Variants in AKAP6 observed in about 807,000 individuals in gnomAD.
AKAP6 encodes A-kinase anchoring protein 6, also known as A-kinase anchor protein 6.
A neutral mutation model predicts 188.5 loss-of-function variants in AKAP6; 58 were observed. That is an observed-to-expected ratio of 0.31 (90% CI 0.25 to 0.38). The LOEUF (loss-of-function observed/expected upper bound fraction) is 0.38, where lower values mean the gene tolerates loss of function less well. AKAP6 is among the 10% of genes least tolerant of loss of function. The probability of loss-of-function intolerance (pLI) is 1.00; values close to 1 mark genes in which losing one functional copy is unlikely to be tolerated. For missense variants in AKAP6, 2,710 were observed against 2,740.0 expected, an observed-to-expected ratio of 0.99 and a Z score of 0.24; for synonymous variants, 989 against 998.6, an observed-to-expected ratio of 0.99 and a Z score of 0.18.
chr14:32,415,403 G>C (rs1224606572), intron 1 of AKAP6, among the ~76,000 whole-genome samples: 6 of 24,192 alleles, frequency 2.5e-4, no homozygotes, highest in Non-Finnish European at 1.5e-3. Flanking sequence ...GAGACTTTAA[G>C]TTAACTTAGT....
At chr14:32,478,626 T>C (rs933472061) in intron 2 of AKAP6, among the ~76,000 whole-genome samples, 1 of 152,178 alleles carries the variant, frequency 6.6e-6, no homozygotes, top group Admixed American at 6.5e-5. Flanking sequence ...GAAATATAGG[T>C]CTGCTCAAGG....
chr14:32,663,366 A>C (rs1404284195), intron 7 of AKAP6, among the ~76,000 whole-genome samples: 1 of 152,060 alleles, frequency 6.6e-6, no homozygotes, highest in African/African-American at 2.4e-5. Flanking sequence ...CTTTCAGTAC[A>C]TACTTATTGA....
chr14:32,574,355 G>C (rs1884629451), intron 4 of AKAP6, among the ~76,000 whole-genome samples: 1 of 152,166 alleles, frequency 6.6e-6, no homozygotes, highest in Non-Finnish European at 1.5e-5. Context: ...ATCTGGCTGG[G>C]ATACACAGAG....
At chr14:32,669,354 CA>C (rs1268276116) in intron 7 of AKAP6, among the ~76,000 whole-genome samples, 2 of 152,052 alleles carry the variant, frequency 1.3e-5, no homozygotes, top group South Asian at 2.1e-4. Flanking sequence ...ATTGTAATAC[CA>C]AATGTTATTT....
intron 11 of AKAP6, among the ~76,000 whole-genome samples, chr14:32,758,101 G>A (rs1309740463): frequency 6.6e-6 from 1 of 152,066 alleles, no homozygotes; most frequent in East Asian, 1.9e-4. Context: ...GCCCTTTATA[G>A]TATTATAGAC....
At chr14:32,522,746 T>C (rs1411255576) in intron 2 of AKAP6, among the ~76,000 whole-genome samples, 1 of 152,130 alleles carries the variant, frequency 6.6e-6, no homozygotes, top group African/African-American at 2.4e-5. Context: ...TTGGTGGGAG[T>C]GTAAACTAGT....
chr14:32,579,156 G>A (rs1566586133), intron 5 of AKAP6, among the ~76,000 whole-genome samples: 1 of 152,070 alleles, frequency 6.6e-6, no homozygotes, highest in Non-Finnish European at 1.5e-5. Context: ...CTTACAAATT[G>A]CCAGCTTTTT....
At chr14:32,694,370 AAC>A (rs58749478) in intron 8 of AKAP6, among the ~76,000 whole-genome samples, 54,159 of 143,186 alleles carry the variant, frequency 0.38, 10,537 homozygotes, top group South Asian at 0.48. Context: ...CAAAAAAAAA[AAC>A]AAAAAAAAGC....
intron 8 of AKAP6, among the ~76,000 whole-genome samples, chr14:32,682,831 G>C (rs921096434): frequency 1.3e-5 from 2 of 152,180 alleles, no homozygotes; most frequent in Admixed American, 6.5e-5. Flanking sequence ...GGTTTTCAAA[G>C]TATGGTCTCT....
At chr14:32,690,772 A>G (rs1284269470) in intron 8 of AKAP6, among the ~76,000 whole-genome samples, 1 of 152,192 alleles carries the variant, frequency 6.6e-6, no homozygotes, top group Non-Finnish European at 1.5e-5. Flanking sequence ...ACTGACTTCA[A>G]GTTAGAAGAC....
Position 32,773,901 on chromosome 14 carries a change from A to AATC in AKAP6, c.3588+8_3588+9insATC. 6.2e-7 allele frequency: 1 copy of AATC among 1,612,430 alleles called. No individual in the cohort carries two copies. Among genetic ancestry groups the AATC allele is most frequent in the African/African-American group, 1.3e-5 (1 of 75,016 alleles). ...AAGATGGGAAAGGAATCTGTGAGTG[A>AATC]TGCTTTTTTTAAGCATAATTGTCTG... is the stretch of plus-strand genomic sequence containing the variant. On this transcript the variant is annotated intron_variant, in intron 12 of 13. Transcript: ENST00000280979.
intron 12 of AKAP6, among the ~76,000 whole-genome samples, chr14:32,812,225 T>C (rs1414904849): frequency 6.6e-6 from 1 of 152,204 alleles, no homozygotes; most frequent in Admixed American, 6.5e-5. Context: ...ATTTACCATG[T>C]GGTAGAATGA....
chr14:32,625,687 G>A (rs1368424974), intron 7 of AKAP6, among the ~76,000 whole-genome samples: 1 of 151,432 alleles, frequency 6.6e-6, no homozygotes, highest in African/African-American at 2.4e-5. Context: ...TTTTCTTTCA[G>A]TGTAGTAAAA....
intron 2 of AKAP6, among the ~76,000 whole-genome samples, chr14:32,513,281 C>T (rs1385902715): frequency 1.3e-5 from 2 of 152,154 alleles, no homozygotes; most frequent in African/African-American, 4.8e-5. Flanking sequence ...TTCACATTCC[C>T]ACTCTTATTT....
intron 1 of AKAP6, among the ~76,000 whole-genome samples, chr14:32,412,264 C>T (rs564111557): frequency 1.3e-5 from 2 of 152,306 alleles, no homozygotes; most frequent in South Asian, 4.1e-4. Context: ...GTGTCTCACT[C>T]ACTCCTTGAC....
chr14:32,814,065 G>A (rs969465032), intron 12 of AKAP6, among the ~76,000 whole-genome samples: 3 of 152,008 alleles, frequency 2.0e-5, no homozygotes, highest in African/African-American at 7.3e-5. Context: ...ACCTGACAGG[G>A]CCACACTCCT....
chr14:32,576,001 G>A (rs1430721090), intron 4 of AKAP6, among the ~76,000 whole-genome samples: 1 of 151,596 alleles, frequency 6.6e-6, no homozygotes, highest in Non-Finnish European at 1.5e-5. Context: ...GATTTTTTTT[G>A]AGGTAATCTA....
chr14:32,717,061 GCAGGTGGAT>G lies in AKAP6; in HGVS notation c.3001-15376_3001-15368del, dbSNP rs556728414. Among the ~76,000 whole-genome samples, 88 of 152,230 alleles carry G rather than the reference GCAGGTGGAT, an allele frequency of 5.8e-4. 1 individual carries two copies. In the South Asian group the frequency reaches 0.015, roughly 26 times the overall value. On this transcript the variant is annotated intron_variant, in intron 9 of 13. Coordinates refer to ENST00000280979, the MANE Select transcript of AKAP6 (RefSeq NM_004274.5). ...GAAATATGAAATGACCTTCCCTGGA[GCAGGTGGAT>G]CAGGTGGATCAGGTGGCAAGCCACC... is the stretch of plus-strand genomic sequence containing the variant.
intron 4 of AKAP6, among the ~76,000 whole-genome samples, chr14:32,571,198 C>G (rs1292006517): frequency 6.6e-6 from 1 of 151,100 alleles, no homozygotes; most frequent in East Asian, 1.9e-4. Context: ...TTAAAAGGTT[C>G]AACAGCAGAA....
Sources: gnomAD v4.1 joint callset for allele counts (sites outside exome capture counted in the v4.1 genomes callset) on GRCh38, gnomAD v4.1.1 for gene constraint, MANE v1.5 for transcripts, NCBI Gene and HGNC (gene_info 2026-07-23, HGNC 2026-07-21) for gene names.